The following PSG9 variants were observed in gnomAD, a reference collection of about 807,000 sequenced individuals.
PSG9 encodes pregnancy specific beta-1-glycoprotein 9, also known as pregnancy-specific beta-1-glycoprotein 9.
PSG9 carries 49 observed loss-of-function variants against 41.9 expected under a neutral mutation model. The observed-to-expected ratio is 1.17, with a 90% CI of 0.93 to 1.48. The LOEUF is 1.48. PSG9 is among the 40% of genes most tolerant of loss of function. PSG9 has a pLI of 0.00. For synonymous variants in PSG9, 263 were observed against 196.8 expected (o/e 1.34, Z -2.82); for missense variants, 641 against 520.3 (o/e 1.23, Z -2.26).
chr19:43,266,462 T>A (rs1467376719), intron 2 of PSG9, among the ~76,000 whole-genome samples: 1 of 151,962 alleles, frequency 6.6e-6, no homozygotes. Flanking sequence ...CCTGTGCTGG[T>A]GTAGGGTGTG....
chr19:43,263,571 T>A (rs2122541441), intron 2 of PSG9, among the ~76,000 whole-genome samples: 1 of 151,296 alleles, frequency 6.6e-6, no homozygotes, highest in East Asian at 2.0e-4. Flanking sequence ...AGACCTCATG[T>A]TGTGTTCTGA....
rs1370247063 is a variant in PSG9 at position 43,268,081 on chromosome 19, CTT to C, written c.131_132del (p.Lys44SerfsTer3). The C allele has an allele frequency of 2.5e-6, 4 of 1,613,522 alleles. No individual in the cohort carries two copies. In the Admixed American group the frequency reaches 6.7e-5, roughly 27 times the overall value. On this transcript the variant is annotated frameshift_variant, in exon 2 of 6. Transcript: ENST00000270077. LOFTEE classifies it high-confidence loss of function. ...AEVTIEAQPP[K>X]VSEGKDVLLL... The stretch of plus-strand genomic sequence containing the variant: ...AGAAGAACATCCTTCCCCTCAGAAA[CTT>C]TGGGTGGCTGGGCTTCAATCGTGAC...
chr19:43,267,667 G>A (rs1196886053), intron 2 of PSG9, 117 bp downstream of exon 2: 1 of 1,535,046 alleles, frequency 6.5e-7, no homozygotes, highest in African/African-American at 1.4e-5. Context: ...CCAAACCCCA[G>A]CATGGGACAT....
rs150423600 is a variant in PSG9 at position 43,261,935 on chromosome 19, C to A, written c.634G>T (p.Ala212Ser). ...LYLFGVTKYI[A>S]GPYECEIRNP... ...CGTATTTCACATTCATAGGGTCCTGCAATATACTTTGTGACACCAAATAGA... is the reference window on the plus strand; with the variant it reads ...CGTATTTCACATTCATAGGGTCCTGAAATATACTTTGTGACACCAAATAGA... Residue 212 changes from alanine (A) to serine (S), a missense_variant, in exon 3 of 6, where the codon GCA becomes TCA. Transcript: ENST00000270077. The A allele has an allele frequency of 7.9e-4, 1,282 of 1,614,038 alleles. 10 individuals carry two copies. Among genetic ancestry groups the A allele is most frequent in the Non-Finnish European group, 9.4e-4 (1,105 of 1,179,932 alleles).
chr19:43,261,163 C>T (rs1373095244), intron 3 of PSG9, among the ~76,000 whole-genome samples: 1 of 152,140 alleles, frequency 6.6e-6, no homozygotes, highest in Non-Finnish European at 1.5e-5. Context: ...GCTAGATAGA[C>T]TTCACTGGAA....
At chr19:43,269,067 G>T (rs113299216) in intron 1 of PSG9, among the ~76,000 whole-genome samples, 29,160 of 151,646 alleles carry the variant, frequency 0.19, 3,327 homozygotes, top group Non-Finnish European at 0.26. Context: ...TGCAGTGGCG[G>T]TATCTCGGCT....
In PSG9 at chr19:43,257,913, T is replaced by C. The variant is rs1413435622; in HGVS notation, c.1243+289A>G. On this transcript the variant is annotated intron_variant, in intron 5 of 5. Transcript: ENST00000270077. The stretch of plus-strand genomic sequence containing the variant: ...CGAGAAGCAACTTGATCTTGAGGAC[T>C]CTCCTTCTTGTCCCTCTCTGAAGCC... The C allele has an allele frequency of 2.8e-6, 4 of 1,409,014 alleles. No homozygotes were observed. In the African/African-American group the frequency reaches 4.6e-5, roughly 16 times the overall value. 87.3% of individuals were successfully genotyped at this position (1,409,014 alleles called of 1,614,324 possible). A position where few individuals can be genotyped will look rare whatever the true frequency, so the allele number is the denominator to read the frequency against.
At chr19:43,268,435 C>A (rs572621587) in intron 1 of PSG9, among the ~76,000 whole-genome samples, 11 of 152,118 alleles carry the variant, frequency 7.2e-5, no homozygotes, top group East Asian at 1.9e-4. Flanking sequence ...GGGGTCCACA[C>A]GGCCCCCTCC....
In PSG9 at chr19:43,259,240, T is replaced by A; in HGVS notation, c.710-105A>T. ...TCTCCCACCTCTCAGCCCACCCGAGTCCTTGAAAGCCAATAGCTGGTGCGT... is the reference window on the plus strand; with the variant it reads ...TCTCCCACCTCTCAGCCCACCCGAGACCTTGAAAGCCAATAGCTGGTGCGT... On this transcript the variant is annotated intron_variant, in intron 3 of 5. Coordinates refer to ENST00000270077, the MANE Select transcript of PSG9 (RefSeq NM_002784.5). The A allele has an allele frequency of 2.7e-6, 4 of 1,493,496 alleles. 1 individual carries two copies. The South Asian group carries it at 5.2e-5, about 19-fold the overall frequency. The allele number at this position is 1,493,496 out of a possible 1,614,324, so 92.5% of individuals were successfully genotyped here.
At chr19:43,256,579 C>T (rs10412140) in intron 5 of PSG9, among the ~76,000 whole-genome samples, 1,717 of 146,412 alleles carry the variant, frequency 0.012, 254 homozygotes, top group African/African-American at 0.042. Flanking sequence ...CCAATAAGCC[C>T]ATGCAAAGTT....
intron 3 of PSG9, chr19:43,260,588 G>T (rs1399977959): frequency 8.2e-5 from 12 of 145,850 alleles, no homozygotes; most frequent in Non-Finnish European, 1.3e-4. Context: ...TTAAAGCTTT[G>T]GGATGTGAGA....
At chr19:43,263,286 C>T (rs1968812678) in intron 2 of PSG9, among the ~76,000 whole-genome samples, 1 of 152,112 alleles carries the variant, frequency 6.6e-6, no homozygotes, top group African/African-American at 2.4e-5. Context: ...GCCTATAGTT[C>T]ATACAGATAA....
At position 43,258,871 on chromosome 19, in the gene PSG9, A is replaced by G. The variant is rs1135905; in HGVS notation, c.974T>C (p.Ile325Thr). Residue 325 changes from isoleucine to threonine, a missense_variant, in exon 4 of 6, where the codon ATC becomes ACC. Coordinates refer to ENST00000270077, the MANE Select transcript of PSG9 (RefSeq NM_002784.5). ...RYGGLRSNPV[I>T]LNVLYGPDLP... The stretch of plus-strand genomic sequence containing the variant: ...AAGATACTCACAGAGGACATTTAGG[A>G]TGACTGGGTTACTGCGGAGGCCACC... The G allele has an allele frequency of 0.025, 37,685 of 1,524,142 alleles. 5,379 individuals carry two copies. The highest frequency in any genetic ancestry group is 0.065 in the East Asian group (2,405 of 37,272). 94.4% of individuals were successfully genotyped at this position (1,524,142 alleles called of 1,614,324 possible).
chr19:43,261,645 C>T (rs148503035), intron 3 of PSG9, among the ~76,000 whole-genome samples: 110 of 152,206 alleles, frequency 7.2e-4, no homozygotes, highest in African/African-American at 2.4e-3. Flanking sequence ...AAGCTGTGGA[C>T]CCAGAGTCTC....
chr19:43,263,066 T>A lies in PSG9; in HGVS notation c.431-928A>T, dbSNP rs531274792. On this transcript the variant is annotated intron_variant, in intron 2 of 5. Transcript: ENST00000270077. ...TTAGACCAATATTTGGGAAGAAGTC[T>A]TGCAGATACTTTCTCTCATTGGACA... Among the ~76,000 whole-genome samples the A allele has an allele frequency of 9.8e-5, 15 of 152,306 alleles. 1 individual carries two copies. The highest frequency in any genetic ancestry group is 1.6e-4 in the Non-Finnish European group (11 of 68,004).
intron 5 of PSG9, among the ~76,000 whole-genome samples, chr19:43,256,081 A>C (rs1968434425): frequency 6.8e-6 from 1 of 146,764 alleles, no homozygotes; most frequent in African/African-American, 2.6e-5. Context: ...GAGGACTCAC[A>C]CTTCCTGATT....
intron 3 of PSG9, among the ~76,000 whole-genome samples, chr19:43,261,657 C>T (rs1391668812): frequency 6.6e-6 from 1 of 152,116 alleles, no homozygotes; most frequent in East Asian, 1.9e-4. Flanking sequence ...CAGAGTCTCC[C>T]ATGACACAGC....
Position 43,261,708 on chromosome 19 carries a change from C to G in PSG9, c.709+152G>C, listed in dbSNP as rs185913740. ...ATTGTTGATCAAGCCTAGGCCTACT[C>G]TGGTTTGCTTGGGGCAGAAAGTCAT... is the stretch of plus-strand genomic sequence containing the variant. On this transcript the variant is annotated intron_variant, in intron 3 of 5. Coordinates refer to ENST00000270077, the MANE Select transcript of PSG9 (RefSeq NM_002784.5). The G allele has an allele frequency of 2.0e-5, 31 of 1,579,762 alleles. No individual in the cohort carries two copies. In the African/African-American group the frequency reaches 3.1e-4, roughly 16 times the overall value.
chr19:43,254,654 C>A (rs1051119739), intron 5 of PSG9, among the ~76,000 whole-genome samples: 2 of 145,800 alleles, frequency 1.4e-5, no homozygotes, highest in Non-Finnish European at 3.0e-5. Context: ...AGTGGATATA[C>A]ATAAAATGGA....
Sources: allele counts gnomAD v4.1 joint callset (sites outside exome capture counted in the v4.1 genomes callset), GRCh38; gene constraint gnomAD v4.1.1; transcripts MANE v1.5; gene names NCBI Gene and HGNC (gene_info 2026-07-23, HGNC 2026-07-21).